Variants in FAM151B observed in about 807,000 individuals in gnomAD.
The protein encoded by FAM151B is family with sequence similarity 151 member B, also known as protein FAM151B.
FAM151B carries 24 observed loss-of-function variants against 31.2 expected under a neutral mutation model. The ratio of observed to expected loss-of-function variants is 0.77; its 90% CI spans 0.56 to 1.08. The LOEUF is 1.08. Ranked by LOEUF, FAM151B falls within the 50% of genes least tolerant of loss-of-function variation. The pLI is 0.00. For missense variants in FAM151B, 293 were observed against 328.6 expected (o/e 0.89, Z 0.84); for synonymous variants, 105 against 111.4 (o/e 0.94, Z 0.36).
intron 1 of FAM151B, 46 bp from the exon 2 acceptor site, chr5:80,501,746 C>T: frequency 6.9e-7 from 1 of 1,452,946 alleles, no homozygotes; most frequent in Non-Finnish European, 9.4e-7. Flanking sequence ...AAAATTTTAC[C>T]CTATAAAAAA....
intron 5 of FAM151B, among the ~76,000 whole-genome samples, chr5:80,523,358 A>T (rs1267204654): frequency 1.3e-5 from 2 of 152,182 alleles, no homozygotes; most frequent in Non-Finnish European, 2.9e-5. Flanking sequence ...ATAATTCACT[A>T]TGTTGCAGAG....
chr5:80,539,516 G>C (rs546914775), intron 5 of FAM151B, among the ~76,000 whole-genome samples: 15 of 151,610 alleles, frequency 9.9e-5, no homozygotes, highest in African/African-American at 3.4e-4. Context: ...TTTTGAGATG[G>C]AGTCTTACTC....
intron 2 of FAM151B, among the ~76,000 whole-genome samples, chr5:80,509,598 G>GTATTT (rs1744108224): frequency 6.6e-6 from 1 of 152,152 alleles, no homozygotes; most frequent in Non-Finnish European, 1.5e-5. Context: ...TTTGGCCCGA[G>GTATTT]ACTGTCTCTT....
At chr5:80,512,763 G>A (rs1305090847) in intron 2 of FAM151B, among the ~76,000 whole-genome samples, 1 of 143,830 alleles carries the variant, frequency 7.0e-6, no homozygotes, top group Non-Finnish European at 1.5e-5. Context: ...CTGGATGACA[G>A]GGTAAGACCC....
chr5:80,524,075 C>G (rs1744842661), intron 5 of FAM151B, among the ~76,000 whole-genome samples: 1 of 152,026 alleles, frequency 6.6e-6, no homozygotes, highest in Admixed American at 6.6e-5. Flanking sequence ...GAAATTAAAG[C>G]ATTACATTTA....
At position 80,536,454 on chromosome 5, in the gene FAM151B, G is replaced by C. The variant is rs193238541; in HGVS notation, c.672-5219G>C. 6.3e-3 allele frequency among the ~76,000 whole-genome samples: 956 copies of C among 152,166 alleles called. 4 individuals are homozygous for C. Among genetic ancestry groups the C allele is most frequent in the Non-Finnish European group, 0.01 (685 of 68,026 alleles). On this transcript the variant is annotated intron_variant, in intron 5 of 5. Coordinates refer to ENST00000282226, the MANE Select transcript of FAM151B (RefSeq NM_205548.3). The stretch of plus-strand genomic sequence containing the variant: ...GCCTCCCAAAGTGCTGGGATTACAG[G>C]TGTGAGCCACCGTGCCCAGACAGGT...
chr5:80,541,075 G>C (rs1745864634), intron 5 of FAM151B, among the ~76,000 whole-genome samples: 1 of 152,198 alleles, frequency 6.6e-6, no homozygotes, highest in African/African-American at 2.4e-5. Context: ...AACATTCTGA[G>C]CATATTCTTA....
Position 80,538,513 on chromosome 5 carries a change from T to TTTCTTTCC in FAM151B, c.672-3157_672-3156insTTTCCTTC, listed in dbSNP as rs1210333115. Among the ~76,000 whole-genome samples, 33 of 61,504 alleles carry TTTCTTTCC rather than the reference T, an allele frequency of 5.4e-4. 1 individual carries two copies. The highest frequency in any genetic ancestry group is 6.4e-4 in the South Asian group (1 of 1,554). 40.3% of individuals were successfully genotyped at this position (61,504 alleles called of 152,430 possible). On this transcript the variant is annotated intron_variant, in intron 5 of 5. Transcript: ENST00000282226. Reference sequence around the variant, plus strand: ...TTCCTTCCTTCCTTTCTTTTCTTTCTTTCCTTCCTTCCTTCCTTCCTTCCT... The same window carrying TTTCTTTCC: ...TTCCTTCCTTCCTTTCTTTTCTTTCTTTCTTTCCTTCCTTCCTTCCTTCCTTCCTTCCT...
Position 80,501,910 on chromosome 5 carries a change from A to T in FAM151B, c.144A>T (p.Ala48=). 6.2e-7 allele frequency: 1 copy of T among 1,600,898 alleles called. No individual in the cohort carries two copies. Among genetic ancestry groups the T allele is most frequent in the Non-Finnish European group, 8.5e-7 (1 of 1,172,634 alleles). Residue 48 remains alanine (A), a synonymous_variant, in exon 2 of 6, where the codon GCA becomes GCT. Coordinates refer to ENST00000282226, the MANE Select transcript of FAM151B (RefSeq NM_205548.3). ...ACCACAAGGCACAAACAAATGAGGC[A>T]CTGAAAAGTAAGTCAGTACAGTTAC... is the stretch of plus-strand genomic sequence containing the variant. ...AANHKAQTNE[A]LKSTAHMIEA...
chr5:80,491,458 AGCAGTCCTTCC>A (rs1743327629), intron 1 of FAM151B, among the ~76,000 whole-genome samples: 1 of 152,152 alleles, frequency 6.6e-6, no homozygotes, highest in Admixed American at 6.5e-5. Context: ...ACTGAGCTTA[AGCAGTCCTTCC>A]GCCTCAGCCT....
rs1269306670 is a variant in FAM151B at position 80,506,713 on chromosome 5, CAT to C, written c.151+4797_151+4798del. On this transcript the variant is annotated intron_variant, in intron 2 of 5. Coordinates refer to ENST00000282226, the MANE Select transcript of FAM151B (RefSeq NM_205548.3). The stretch of plus-strand genomic sequence containing the variant: ...CTTTAATATAATTGCTAGATAGAAA[CAT>C]GTTTGGTTCTACTGCTCTGGTTTCC... Among the ~76,000 whole-genome samples the C allele has an allele frequency of 2.0e-5, 3 of 152,252 alleles. No homozygotes were observed. In the East Asian group the frequency reaches 5.8e-4, roughly 29 times the overall value.
chr5:80,501,738 A>C, intron 1 of FAM151B, 54 bp from the exon 2 acceptor site: 1 of 1,412,650 alleles, frequency 7.1e-7, no homozygotes, highest in Non-Finnish European at 9.7e-7. Context: ...TGATTTTAAA[A>C]ATTTTACCCT....
intron 5 of FAM151B, among the ~76,000 whole-genome samples, chr5:80,530,615 A>G (rs1322981161): frequency 6.6e-6 from 1 of 152,238 alleles, no homozygotes; most frequent in Non-Finnish European, 1.5e-5. Context: ...GAGCCAAATC[A>G]TGAGTGAACT....
chr5:80,493,020 C>T (rs1226482364), intron 1 of FAM151B, among the ~76,000 whole-genome samples: 1 of 152,142 alleles, frequency 6.6e-6, no homozygotes, highest in African/African-American at 2.4e-5. Context: ...ATTTCGAAAG[C>T]TGAGAGAGGC....
intron 5 of FAM151B, among the ~76,000 whole-genome samples, chr5:80,527,508 A>G (rs1580448824): frequency 6.6e-6 from 1 of 152,202 alleles, no homozygotes; most frequent in South Asian, 2.1e-4. Context: ...TAAATTGCCT[A>G]CACCTAGGCT....
At chr5:80,496,456 A>G (rs12152899) in intron 1 of FAM151B, among the ~76,000 whole-genome samples, 38,949 of 152,170 alleles carry the variant, frequency 0.26, 6,169 homozygotes, top group East Asian at 0.42. Context: ...CATAACTTTT[A>G]TATGTACTGG....
At chr5:80,490,527 A>G (rs1743281042) in intron 1 of FAM151B, among the ~76,000 whole-genome samples, 1 of 152,212 alleles carries the variant, frequency 6.6e-6, no homozygotes, top group Non-Finnish European at 1.5e-5. Context: ...ACCACAATTA[A>G]TTTTAAAACA....
At chr5:80,529,553 G>A (rs1745132310) in intron 5 of FAM151B, among the ~76,000 whole-genome samples, 2 of 152,130 alleles carry the variant, frequency 1.3e-5, no homozygotes, top group South Asian at 4.1e-4. Context: ...TGATAAAGCG[G>A]ATATCACCAC....
intron 3 of FAM151B, among the ~76,000 whole-genome samples, chr5:80,519,223 A>G (rs1744594407): frequency 6.6e-6 from 1 of 152,232 alleles, no homozygotes; most frequent in South Asian, 2.1e-4. Flanking sequence ...CATAAGGGAA[A>G]GAAGCTACTT....
Sources: gnomAD v4.1 joint callset for allele counts (sites outside exome capture counted in the v4.1 genomes callset) on GRCh38, gnomAD v4.1.1 for gene constraint, MANE v1.5 for transcripts, NCBI Gene and HGNC (gene_info 2026-07-23, HGNC 2026-07-21) for gene names.